The following METTL15 variants were observed in gnomAD, a reference collection of about 807,000 sequenced individuals.
METTL15 encodes 12S rRNA N(4)-cytidine methyltransferase METTL15.
In METTL15, 34 loss-of-function variants were observed where a neutral mutation model predicts 38.3. That is an observed-to-expected ratio of 0.89 (90% confidence interval 0.68 to 1.18). The LOEUF is 1.18. METTL15 is among the 50% of genes most tolerant of loss of function. The pLI is 0.00. For missense variants in METTL15, 438 were observed against 498.4 expected (o/e 0.88, Z 1.15); for synonymous variants, 162 against 170.9 (o/e 0.95, Z 0.41).
At chr11:28,208,530 G>C (rs959581388) in intron 3 of METTL15, among the ~76,000 whole-genome samples, 1 of 151,766 alleles carries the variant, frequency 6.6e-6, no homozygotes, top group African/African-American at 2.4e-5. Flanking sequence ...TTACTTCCAA[G>C]TATGTGGTCA....
chr11:28,237,738 C>A (rs1012195134), intron 4 of METTL15, among the ~76,000 whole-genome samples: 1 of 152,210 alleles, frequency 6.6e-6, no homozygotes, highest in African/African-American at 2.4e-5. Context: ...GTGGTTTTAT[C>A]TACTTTTGGT....
Position 28,171,671 on chromosome 11 carries a change from G to C in METTL15, c.271-39391G>C, listed in dbSNP as rs555367271. Among the ~76,000 whole-genome samples, 16 of 152,176 alleles carry C rather than the reference G, an allele frequency of 1.1e-4. No individual in the cohort carries two copies. The South Asian group carries it at 3.3e-3, about 32-fold the overall frequency. On this transcript the variant is annotated intron_variant, in intron 3 of 6. Coordinates refer to ENST00000407364, the MANE Select transcript of METTL15 (RefSeq NM_001113528.2). ...TAGTGATGTTATTGGGTTCCTAACA[G>C]AAAACCTCATATTCTTGAATGTTTA...
chr11:28,363,813 G>A (rs1250017950), intron 5 of METTL15, among the ~76,000 whole-genome samples: 1 of 152,126 alleles, frequency 6.6e-6, no homozygotes, highest in Non-Finnish European at 1.5e-5. Context: ...TTTATAGTTT[G>A]AGGTTTTAGA....
intron 3 of METTL15, among the ~76,000 whole-genome samples, chr11:28,158,104 G>A (rs995570018): frequency 2.0e-5 from 3 of 152,138 alleles, no homozygotes; most frequent in Admixed American, 6.5e-5. Flanking sequence ...TGGATGGTCC[G>A]GGACTTGGAA....
At chr11:28,209,618 T>C (rs1465952022) in intron 3 of METTL15, among the ~76,000 whole-genome samples, 4 of 152,058 alleles carry the variant, frequency 2.6e-5, no homozygotes, top group African/African-American at 9.6e-5. Context: ...TTATATTTTA[T>C]GTCCATCCTC....
At chr11:28,343,050 C>T (rs1020373222) in intron 3 of METTL15, among the ~76,000 whole-genome samples, 1 of 152,078 alleles carries the variant, frequency 6.6e-6, no homozygotes, top group Non-Finnish European at 1.5e-5. Context: ...CTGCTTTTCT[C>T]TTTTGGATGA....
At chr11:28,426,478 T>C (rs1850865381) in intron 6 of METTL15, among the ~76,000 whole-genome samples, 1 of 152,164 alleles carries the variant, frequency 6.6e-6, no homozygotes, top group Non-Finnish European at 1.5e-5. Flanking sequence ...TTTCTGCCTC[T>C]GTCTTTGAGG....
chr11:28,395,878 C>T (rs1294523287), intron 5 of METTL15, among the ~76,000 whole-genome samples: 1 of 152,252 alleles, frequency 6.6e-6, no homozygotes, highest in Non-Finnish European at 1.5e-5. Context: ...TCCAGCAGCA[C>T]ATCAAAAAGC....
At chr11:28,159,964 A>G (rs7934677) in intron 3 of METTL15, among the ~76,000 whole-genome samples, 2 of 152,104 alleles carry the variant, frequency 1.3e-5, no homozygotes, top group Non-Finnish European at 2.9e-5. Flanking sequence ...CTATGAGAGT[A>G]TTGCCAAAGG....
At chr11:28,119,851 T>C (rs1852135332) in intron 3 of METTL15, among the ~76,000 whole-genome samples, 1 of 152,222 alleles carries the variant, frequency 6.6e-6, no homozygotes, top group Non-Finnish European at 1.5e-5. Flanking sequence ...TCTTTAAATA[T>C]TGGAGGCTGA....
chr11:28,291,054 T>TC (rs1420629196), intron 5 of METTL15, among the ~76,000 whole-genome samples: 1 of 149,556 alleles, frequency 6.7e-6, no homozygotes, highest in African/African-American at 2.5e-5. Flanking sequence ...TCTTTTCTTT[T>TC]TTTTTTTTTT....
intron 2 of METTL15, among the ~76,000 whole-genome samples, chr11:28,111,675 T>C (rs570197352): frequency 1.3e-5 from 2 of 152,352 alleles, no homozygotes; most frequent in South Asian, 2.1e-4. Context: ...ATGTGGCCTT[T>C]GGCAAATTAC....
chr11:28,127,480 G>T (rs569994834), intron 3 of METTL15, among the ~76,000 whole-genome samples: 1 of 152,074 alleles, frequency 6.6e-6, no homozygotes, highest in Non-Finnish European at 1.5e-5. Flanking sequence ...GTTTTCTGGC[G>T]CCATGAAGCT....
chr11:28,386,759 A>G (rs1043777860), intron 5 of METTL15, among the ~76,000 whole-genome samples: 7 of 152,026 alleles, frequency 4.6e-5, no homozygotes, highest in East Asian at 1.9e-4. Flanking sequence ...AACACATTGT[A>G]CATTCTTTAA....
Position 28,138,576 on chromosome 11 carries a change from C to T in METTL15, c.270+24972C>T, listed in dbSNP as rs142569014. Among the ~76,000 whole-genome samples, 98 of 152,174 alleles carry T rather than the reference C, an allele frequency of 6.4e-4. 1 individual carries two copies. The highest frequency in any genetic ancestry group is 2.3e-3 in the African/African-American group (94 of 41,512). ...AAATCTAGAATCTTTAAAGGTGGCT[C>T]AGAGAAAGAAAGATTTAAGAAAGAA... is the stretch of plus-strand genomic sequence containing the variant. On this transcript the variant is annotated intron_variant, in intron 3 of 6. Coordinates refer to ENST00000407364, the MANE Select transcript of METTL15 (RefSeq NM_001113528.2).
chr11:28,179,021 T>C (rs985496594), intron 3 of METTL15, among the ~76,000 whole-genome samples: 5 of 151,784 alleles, frequency 3.3e-5, no homozygotes, highest in Non-Finnish European at 7.4e-5. Flanking sequence ...CTATTTGTAA[T>C]CTGTTATTTT....
chr11:28,323,633 T>C (rs1849541896), intron 6 of METTL15, among the ~76,000 whole-genome samples: 1 of 152,146 alleles, frequency 6.6e-6, no homozygotes, highest in South Asian at 2.1e-4. Context: ...GCATGATTAA[T>C]TTTTGTATTT....
intron 3 of METTL15, among the ~76,000 whole-genome samples, chr11:28,142,428 T>C (rs1041824589): frequency 6.6e-6 from 1 of 152,100 alleles, no homozygotes; most frequent in Non-Finnish European, 1.5e-5. Flanking sequence ...CTTGATTGTC[T>C]TGCTGCCTGG....
intron 4 of METTL15, among the ~76,000 whole-genome samples, chr11:28,226,806 A>C (rs183251844): frequency 5.3e-5 from 8 of 152,062 alleles, no homozygotes; most frequent in African/African-American, 1.7e-4. Context: ...CCTAAAATTT[A>C]GACTTTTAGG....
Sources: allele counts gnomAD v4.1 joint callset (sites outside exome capture counted in the v4.1 genomes callset), GRCh38; gene constraint gnomAD v4.1.1; transcripts MANE v1.5; gene names NCBI Gene and HGNC (gene_info 2026-07-23, HGNC 2026-07-21).